The following SNTG1 variants were observed in gnomAD, a reference collection of about 807,000 sequenced individuals.
SNTG1 encodes the protein gamma-1-syntrophin.
A neutral mutation model predicts 74.7 loss-of-function variants in SNTG1; 39 were observed. That is an observed-to-expected ratio of 0.52 (90% confidence interval 0.40 to 0.68). The LOEUF (loss-of-function observed/expected upper bound fraction) is 0.68. Among genes scored for constraint, SNTG1 ranks in the 30% least tolerant of loss-of-function variants. The probability of loss-of-function intolerance (pLI) is 0.00; values close to 1 mark genes in which losing one functional copy is unlikely to be tolerated. For missense variants in SNTG1, 685 were observed against 609.5 expected, an observed-to-expected ratio of 1.12 and a Z score of -1.30; for synonymous variants, 254 against 217.1, an observed-to-expected ratio of 1.17 and a Z score of -1.49.
intron 9 of SNTG1, among the ~76,000 whole-genome samples, chr8:50,520,372 T>C (rs1457403629): frequency 6.6e-6 from 1 of 152,160 alleles, no homozygotes; most frequent in African/African-American, 2.4e-5. Context: ...ATTCAGGGCA[T>C]AGGCATGGGC....
At chr8:50,506,686 A>T (rs73585127) in intron 9 of SNTG1, among the ~76,000 whole-genome samples, 6,259 of 152,132 alleles carry the variant, frequency 0.041, 137 homozygotes, top group Middle Eastern at 0.12. Flanking sequence ...AAACTTGTTT[A>T]TTAGATCTAA....
At chr8:50,696,151 T>C (rs1294114521) in intron 15 of SNTG1, among the ~76,000 whole-genome samples, 2 of 152,090 alleles carry the variant, frequency 1.3e-5, no homozygotes, top group African/African-American at 2.4e-5. Flanking sequence ...ATTTTAGTAA[T>C]AGCCATTCTG....
intron 18 of SNTG1, among the ~76,000 whole-genome samples, chr8:50,781,384 G>C (rs563321574): frequency 2.0e-4 from 31 of 152,126 alleles, no homozygotes; most frequent in Non-Finnish European, 3.2e-4. Context: ...GAATCTGGGT[G>C]CTCCTGTATT....
At chr8:50,599,723 A>G (rs944221319) in intron 13 of SNTG1, among the ~76,000 whole-genome samples, 6 of 152,046 alleles carry the variant, frequency 3.9e-5, no homozygotes, top group Admixed American at 6.6e-5. Flanking sequence ...CAGTTCTAAT[A>G]GTTTTTTGGT....
intron 17 of SNTG1, among the ~76,000 whole-genome samples, chr8:50,729,667 G>T (rs1021743501): frequency 6.6e-6 from 1 of 152,058 alleles, no homozygotes; most frequent in Non-Finnish European, 1.5e-5. Context: ...TAGTATTCAC[G>T]GCAGAGAAAT....
At chr8:50,345,370 G>A (rs905122509) in intron 2 of SNTG1, among the ~76,000 whole-genome samples, 1 of 152,068 alleles carries the variant, frequency 6.6e-6, no homozygotes, top group African/African-American at 2.4e-5. Context: ...GCCTGCGAGT[G>A]GTCCACCTGC....
intron 13 of SNTG1, among the ~76,000 whole-genome samples, chr8:50,640,488 T>G (rs913545263): frequency 1.3e-5 from 2 of 152,172 alleles, no homozygotes; most frequent in African/African-American, 4.8e-5. Flanking sequence ...AACTTGGAGA[T>G]GGATAGGTAT....
chr8:49,953,606 T>C (rs1809914427), intron 1 of SNTG1, among the ~76,000 whole-genome samples: 1 of 152,220 alleles, frequency 6.6e-6, no homozygotes, highest in Non-Finnish European at 1.5e-5. Context: ...ATTTTGATGA[T>C]ATGTAAATGC....
At chr8:50,353,026 C>T in intron 2 of SNTG1, among the ~76,000 whole-genome samples, 1 of 152,012 alleles carries the variant, frequency 6.6e-6, no homozygotes, top group Non-Finnish European at 1.5e-5. Flanking sequence ...CAATGATAGA[C>T]TGGATTAAGA....
In SNTG1 at chr8:50,508,420, C is replaced by A. The variant is rs566719177; in HGVS notation, c.466+5540C>A. Among the ~76,000 whole-genome samples, 204 of 152,168 alleles carry A rather than the reference C, an allele frequency of 1.3e-3. 1 individual carries two copies. Among genetic ancestry groups the A allele is most frequent in the African/African-American group, 4.7e-3 (197 of 41,488 alleles). On this transcript the variant is annotated intron_variant, in intron 9 of 18. Transcript: ENST00000642720. ...CTTTATAGCAGCATGACTTATAATC[C>A]TTTGGGTATATACCCAGTAATGGGA...
chr8:50,512,101 T>C (rs913418814), intron 9 of SNTG1, among the ~76,000 whole-genome samples: 23 of 152,200 alleles, frequency 1.5e-4, no homozygotes, highest in Admixed American at 1.4e-3. Flanking sequence ...GCTCTTTTAG[T>C]GCAGGCCTGG....
At chr8:50,470,147 T>G (rs2093640323) in intron 8 of SNTG1, among the ~76,000 whole-genome samples, 3 of 152,176 alleles carry the variant, frequency 2.0e-5, no homozygotes, top group Admixed American at 1.3e-4. Flanking sequence ...AAAAATGAAT[T>G]GAAGGAATAT....
intron 2 of SNTG1, among the ~76,000 whole-genome samples, chr8:50,385,453 G>T (rs539040576): frequency 6.6e-6 from 1 of 152,304 alleles, no homozygotes; most frequent in East Asian, 1.9e-4. Flanking sequence ...GAAGGTCCTT[G>T]AATTTTTGTC....
Position 50,305,030 on chromosome 8 carries a change from G to T in SNTG1, c.-27-89182G>T, listed in dbSNP as rs183569022. Among the ~76,000 whole-genome samples, 469 of 152,120 alleles carry T rather than the reference G, an allele frequency of 3.1e-3. 3 individuals carry two copies. Among genetic ancestry groups the T allele is most frequent in the African/African-American group, 0.01 (428 of 41,504 alleles). ...CGATTCTCCTACCTCAGCCTCCCAG[G>T]TAGCTGGGATTACAGGTGCGGACCA... On this transcript the variant is annotated intron_variant, in intron 2 of 18. Coordinates refer to ENST00000642720, the MANE Select transcript of SNTG1 (RefSeq NM_018967.5).
chr8:50,085,192 A>T (rs960481234), intron 1 of SNTG1, among the ~76,000 whole-genome samples: 6 of 152,166 alleles, frequency 3.9e-5, no homozygotes, highest in African/African-American at 1.4e-4. Flanking sequence ...AAATTCTAGG[A>T]TATTAAGAAT....
intron 1 of SNTG1, among the ~76,000 whole-genome samples, chr8:49,986,737 C>G (rs1311446706): frequency 7.0e-6 from 1 of 141,974 alleles, no homozygotes; most frequent in Non-Finnish European, 1.6e-5. Context: ...AAAAAATAGC[C>G]AGGTGTTGTG....
intron 17 of SNTG1, among the ~76,000 whole-genome samples, chr8:50,739,126 C>T (rs1197986753): frequency 1.3e-5 from 2 of 149,004 alleles, no homozygotes; most frequent in Non-Finnish European, 3.0e-5. Flanking sequence ...ATGAACAGGC[C>T]ATCTACACAA....
intron 13 of SNTG1, among the ~76,000 whole-genome samples, chr8:50,633,199 T>C (rs2095014870): frequency 6.6e-6 from 1 of 152,152 alleles, no homozygotes; most frequent in Non-Finnish European, 1.5e-5. Flanking sequence ...AGGAAGAGAA[T>C]TGAAAAGTAA....
rs566194650 is a variant in SNTG1, at chr8:50,186,535, ATT to A, written c.-28+13901_-28+13902del. 1.4e-3 allele frequency among the ~76,000 whole-genome samples: 209 copies of A among 152,136 alleles called. 1 individual carries two copies. The highest frequency in any genetic ancestry group is 6.8e-3 in the Middle Eastern group (2 of 294). On this transcript the variant is annotated intron_variant, in intron 2 of 18. Coordinates refer to ENST00000642720, the MANE Select transcript of SNTG1 (RefSeq NM_018967.5). ...TTTCTCCACAGCCTCGACAGCAAAT[ATT>A]GTTTCTTGACTTTTTAATAATTGTT...
Sources: allele counts gnomAD v4.1 joint callset (sites outside exome capture counted in the v4.1 genomes callset), GRCh38; gene constraint gnomAD v4.1.1; transcripts MANE v1.5; gene names NCBI Gene and HGNC (gene_info 2026-07-23, HGNC 2026-07-21).